The following RHD variants were observed in gnomAD, a reference collection of about 807,000 sequenced individuals.
The protein encoded by RHD is Rh blood group D antigen.
A neutral mutation model predicts 45.5 loss-of-function variants in RHD; 16 were observed. The observed-to-expected ratio is 0.35, with a 90% confidence interval of 0.24 to 0.53. RHD has a LOEUF of 0.53. Among genes scored for constraint, RHD ranks in the 20% least tolerant of loss-of-function variants. RHD has a pLI of 0.92. For missense variants in RHD, 306 were observed against 532.0 expected (o/e 0.58, Z 4.18); for synonymous variants, 131 against 217.5 (o/e 0.60, Z 3.50).
rs1287585522 is a variant in RHD at position 25,303,446 on chromosome 1, C to T, written c.926C>T (p.Ala309Val). Residue 309 changes from alanine (A) to valine (V), a missense_variant, in exon 6 of 10, where the codon GCC becomes GTC. Coordinates refer to ENST00000328664, the MANE Select transcript of RHD (RefSeq NM_016124.6). ...LVAGLISVGG[A>V]KYLPGCCNRV... is the part of the protein sequence containing the mutation. Reference sequence around the variant, plus strand: ...GCTGGGCTGATCTCCGTCGGGGGAGCCAAGTACCTGCCGGTAAGAAACTAG... The same window carrying T: ...GCTGGGCTGATCTCCGTCGGGGGAGTCAAGTACCTGCCGGTAAGAAACTAG... The T allele has an allele frequency of 1.5e-6, 2 of 1,378,752 alleles. 1 individual carries two copies. Among genetic ancestry groups the T allele is most frequent in the Non-Finnish European group, 2.0e-6 (2 of 978,756 alleles). The allele number at this position is 1,378,752 out of a possible 1,614,324, so 85.4% of individuals were successfully genotyped here.
At position 25,329,244 on chromosome 1, in the gene RHD, T is replaced by TG. The variant is rs1158314696; in HGVS notation, c.*320_*321insG. ...AATTTATTATTATTCCTTGTTTTTT[T>TG]TTTTTTTTTTTTTTTTTTGAGATGT... On this transcript the variant is annotated 3_prime_UTR_variant, in exon 10 of 10. Transcript: ENST00000328664. 1.6e-6 allele frequency: 1 copy of TG among 618,116 alleles called. No individual in the cohort carries two copies. The highest frequency in any genetic ancestry group is 2.8e-5 in the East Asian group (1 of 36,296). The allele number at this position is 618,116 out of a possible 1,614,324, so 38.3% of individuals were successfully genotyped here.
chr1:25,329,490 G>A lies in RHD; in HGVS notation c.*566G>A, dbSNP rs1415725314. 3 of 204,714 alleles carry A rather than the reference G, an allele frequency of 1.5e-5. No individual in the cohort carries two copies. The highest frequency in any genetic ancestry group is 2.2e-4 in the East Asian group (2 of 9,170). The allele number at this position is 204,714 out of a possible 1,614,324, so 12.7% of individuals were successfully genotyped here. Reference sequence around the variant, plus strand: ...ACTCCTGACCTCAAGTGATCTGCCCGCCTCGGCCTCCCAAAGTGCTGGAAC... The same window carrying A: ...ACTCCTGACCTCAAGTGATCTGCCCACCTCGGCCTCCCAAAGTGCTGGAAC... On this transcript the variant is annotated 3_prime_UTR_variant, in exon 10 of 10. Transcript: ENST00000328664.
chr1:25,284,691 G>A lies in RHD; in HGVS notation c.267G>A (p.Gln89=). Residue 89 remains glutamine, a synonymous_variant, in exon 2 of 10, where the codon CAG becomes CAA. Coordinates refer to ENST00000328664, the MANE Select transcript of RHD (RefSeq NM_016124.6). Reference sequence around the variant, plus strand: ...TCTTCATGCTGGCGCTTGGTGTGCAGTGGGCAATCCTGCTGGACGGCTTCC... The same window carrying A: ...TCTTCATGCTGGCGCTTGGTGTGCAATGGGCAATCCTGCTGGACGGCTTCC... ...FNLFMLALGV[Q]WAILLDGFLS... is the part of the protein sequence containing the mutation. 1 of 1,388,992 alleles carries A rather than the reference G, an allele frequency of 7.2e-7. No homozygotes were observed. The highest frequency in any genetic ancestry group is 1.0e-6 in the Non-Finnish European group (1 of 985,634). The allele number at this position is 1,388,992 out of a possible 1,614,324, so 86.0% of individuals were successfully genotyped here.
In RHD at chr1:25,290,330, G is replaced by A. The variant is rs1485580329; in HGVS notation, c.336-311G>A. Among the ~76,000 whole-genome samples the A allele has an allele frequency of 7.3e-5, 9 of 122,866 alleles. 2 individuals are homozygous for A. Among genetic ancestry groups the A allele is most frequent in the South Asian group, 2.5e-4 (1 of 3,960 alleles). 80.6% of individuals were successfully genotyped at this position (122,866 alleles called of 152,430 possible). ...GATCCCCTGAGGGAACAGTCACCCC[G>A]ATCACCCTCAGTCAGATGAGTGTGT... On this transcript the variant is annotated intron_variant, in intron 2 of 9. Transcript: ENST00000328664.
rs1643093992 is a variant in RHD, at chr1:25,298,063, T to C, written c.487-2883T>C. On this transcript the variant is annotated intron_variant, in intron 3 of 9. Transcript: ENST00000328664. Reference sequence around the variant, plus strand: ...CCATCCACCTCCACTTGTTCCTGCATTTCTATGTCCCAGATCCTGCAGAAA... The same window carrying C: ...CCATCCACCTCCACTTGTTCCTGCACTTCTATGTCCCAGATCCTGCAGAAA... Among the ~76,000 whole-genome samples, 2 of 122,628 alleles carry C rather than the reference T, an allele frequency of 1.6e-5. 1 individual carries two copies. Among genetic ancestry groups the C allele is most frequent in the Non-Finnish European group, 3.9e-5 (2 of 51,712 alleles). The allele number at this position is 122,628 out of a possible 152,430, so 80.4% of individuals were successfully genotyped here.
At chr1:25,293,818 T>C (rs1642716169) in intron 3 of RHD, among the ~76,000 whole-genome samples, 1 of 132,250 alleles carries the variant, frequency 7.6e-6, no homozygotes, top group African/African-American at 2.6e-5. Context: ...TATGGAAATT[T>C]GATCATGTAC....
chr1:25,321,428 AGGTG>A (rs1644693792), intron 8 of RHD, among the ~76,000 whole-genome samples: 1 of 113,948 alleles, frequency 8.8e-6, no homozygotes, highest in Non-Finnish European at 2.0e-5. Flanking sequence ...TGGAAGGCTG[AGGTG>A]GGTGGATCAC....
chr1:25,299,820 G>C (rs1353001600), intron 3 of RHD, among the ~76,000 whole-genome samples: 2 of 131,656 alleles, frequency 1.5e-5, no homozygotes, highest in African/African-American at 5.2e-5. Flanking sequence ...CGACATCTCA[G>C]CTCACTATAG....
chr1:25,284,616 C>G lies in RHD; in HGVS notation c.192C>G (p.Phe64Leu), dbSNP rs776994652. ...LTVMAAIGLGFLTSSFRRHSW... is the reference protein window; with the variant it reads ...LTVMAAIGLGLLTSSFRRHSW... ...TGATGGCGGCCATTGGCTTGGGCTT[C>G]CTCACCTCGAGTTTCCGGAGACACA... The change falls in exon 2 of 10, where the codon TTC (phenylalanine) becomes TTG (leucine). Residue 64 changes from phenylalanine (F) to leucine (L), a missense_variant. Physicochemically the swap from Phe to Leu is conservative, Grantham distance 22. Coordinates refer to ENST00000328664, the MANE Select transcript of RHD (RefSeq NM_016124.6). 1 of 1,389,192 alleles carries G rather than the reference C, an allele frequency of 7.2e-7. No homozygotes were observed. The highest frequency in any genetic ancestry group is 2.2e-5 in the East Asian group (1 of 44,714). The allele number at this position is 1,389,192 out of a possible 1,614,324, so 86.1% of individuals were successfully genotyped here. A position where few individuals can be genotyped will look rare whatever the true frequency, so the allele number is the denominator to read the frequency against.
At chr1:25,300,201 G>A (rs1359682369) in intron 3 of RHD, among the ~76,000 whole-genome samples, 1 of 131,220 alleles carries the variant, frequency 7.6e-6, no homozygotes, top group African/African-American at 2.6e-5. Context: ...CCACACCTAA[G>A]TGAACCTTGG....
chr1:25,299,662 T>G (rs1571661142), intron 3 of RHD, among the ~76,000 whole-genome samples: 1 of 130,478 alleles, frequency 7.7e-6, no homozygotes, highest in Non-Finnish European at 1.8e-5. Context: ...TCCTGCAGGG[T>G]CGTGGCAAGA....
chr1:25,322,256 G>A lies in RHD; in HGVS notation c.1227+294G>A, dbSNP rs115774166. On this transcript the variant is annotated intron_variant, in intron 9 of 9. Transcript: ENST00000328664. ...CCTCCCCCTATCTGCAGTCCTCAGC[G>A]TAGCCAAATAGTCTGACATGCGGGT... Among the ~76,000 whole-genome samples, 1,251 of 132,444 alleles carry A rather than the reference G, an allele frequency of 9.4e-3. 8 individuals are homozygous for A. The highest frequency in any genetic ancestry group is 0.031 in the African/African-American group (1,192 of 38,886). The allele number at this position is 132,444 out of a possible 152,430, so 86.9% of individuals were successfully genotyped here.
rs1400426450 is a variant in RHD at position 25,311,140 on chromosome 1, AT to A, written c.1073+4413del. ...GATAGAAATATGGCTGGTAAAGGCC[AT>A]TCTGATGAGGTCTCAGATAGAACTG... is the stretch of plus-strand genomic sequence containing the variant. On this transcript the variant is annotated intron_variant, in intron 7 of 9. Transcript: ENST00000328664. Among the ~76,000 whole-genome samples, 110 of 132,424 alleles carry A rather than the reference AT, an allele frequency of 8.3e-4. 19 individuals are homozygous for A. Among genetic ancestry groups the A allele is most frequent in the African/African-American group, 2.7e-3 (104 of 38,928 alleles). 86.9% of individuals were successfully genotyped at this position (132,424 alleles called of 152,430 possible).
intron 3 of RHD, among the ~76,000 whole-genome samples, chr1:25,295,849 AATTTTTT>A (rs1395616415): frequency 3.0e-5 from 1 of 33,728 alleles, no homozygotes; most frequent in Non-Finnish European, 1.1e-4. Context: ...GAATATGGGA[AATTTTTT>A]TTTTTTTTTT....
rs1217784683 is a variant in RHD, at chr1:25,321,177, G to A, written c.1154-712G>A. On this transcript the variant is annotated intron_variant, in intron 8 of 9. Transcript: ENST00000328664. Reference sequence around the variant, plus strand: ...CTGAGGTTCCCAGGAGTTGACTGGAGCCAGAGAAGACAGACCTATAGGAGC... The same window carrying A: ...CTGAGGTTCCCAGGAGTTGACTGGAACCAGAGAAGACAGACCTATAGGAGC... Among the ~76,000 whole-genome samples the A allele has an allele frequency of 4.6e-5, 6 of 130,172 alleles. 2 individuals carry two copies. The highest frequency in any genetic ancestry group is 1.5e-4 in the Admixed American group (2 of 13,166). The allele number at this position is 130,172 out of a possible 152,430, so 85.4% of individuals were successfully genotyped here.
rs557746335 is a variant in RHD, at chr1:25,276,532, T to TAAAAAAAAAAAAAAAAAA, written c.148+3843_148+3860dup. On this transcript the variant is annotated intron_variant, in intron 1 of 9. Transcript: ENST00000328664. ...ACATAGGGAGACCCCCCCCCATCTC[T>TAAAAAAAAAAAAAAAAAA]AAAAAAAAAAAAAAAAAAAAAAACT... is the stretch of plus-strand genomic sequence containing the variant. 1.6e-3 allele frequency among the ~76,000 whole-genome samples: 105 copies of TAAAAAAAAAAAAAAAAAA among 64,776 alleles called. 7 individuals are homozygous for TAAAAAAAAAAAAAAAAAA. The highest frequency in any genetic ancestry group is 6.6e-3 in the African/African-American group (91 of 13,858). The allele number at this position is 64,776 out of a possible 152,430, so 42.5% of individuals were successfully genotyped here.
chr1:25,303,491 T>C, intron 6 of RHD, 32 bp downstream of exon 6: 1 of 1,377,610 alleles, frequency 7.3e-7, no homozygotes. Flanking sequence ...CTCCTCTGCT[T>C]TGGCTGAAGG....
rs377172989 is a variant in RHD at position 25,289,817 on chromosome 1, A to C, written c.336-824A>C. Among the ~76,000 whole-genome samples, 3 of 113,876 alleles carry C rather than the reference A, an allele frequency of 2.6e-5. 1 individual carries two copies. The Admixed American group carries it at 2.6e-4, about 10-fold the overall frequency. The allele number at this position is 113,876 out of a possible 152,430, so 74.7% of individuals were successfully genotyped here. ...TCATGGTGTAGCCTGTCTAGATCAT[A>C]AGTACATTTTTTTTTTTTTTGGATC... is the stretch of plus-strand genomic sequence containing the variant. On this transcript the variant is annotated intron_variant, in intron 2 of 9. Transcript: ENST00000328664.
Position 25,277,858 on chromosome 1 carries a change from G to C in RHD, c.148+5163G>C, listed in dbSNP as rs1641148551. 1.5e-5 allele frequency among the ~76,000 whole-genome samples: 2 copies of C among 130,816 alleles called. 1 individual carries two copies. Among genetic ancestry groups the C allele is most frequent in the South Asian group, 4.7e-4 (2 of 4,248 alleles). 85.8% of individuals were successfully genotyped at this position (130,816 alleles called of 152,430 possible). ...CCCGGCTAATTTTGTATTTTTAGTA[G>C]AGATGGGGTTTCTCCATGTTGGTGA... On this transcript the variant is annotated intron_variant, in intron 1 of 9. Transcript: ENST00000328664.
Sources: allele counts gnomAD v4.1 joint callset (sites outside exome capture counted in the v4.1 genomes callset), GRCh38; gene constraint gnomAD v4.1.1; transcripts MANE v1.5; gene names NCBI Gene and HGNC (gene_info 2026-07-23, HGNC 2026-07-21).